Variants in LAMB3 observed in about 807,000 individuals in gnomAD.
LAMB3 encodes laminin subunit beta 3, also known as laminin subunit beta-3.
Under a neutral mutation model 140.3 loss-of-function variants are expected in LAMB3, and 104 were observed. The ratio of observed to expected loss-of-function variants is 0.74; its 90% CI spans 0.63 to 0.87. The LOEUF is 0.87. Among genes scored for constraint, LAMB3 ranks in the 40% least tolerant of loss-of-function variants. LAMB3 has a pLI of 0.00. For synonymous variants in LAMB3, 592 were observed against 602.9 expected (o/e 0.98, Z 0.26); for missense variants, 1,531 against 1,575.2 (o/e 0.97, Z 0.47).
At chr1:209,630,534 T>C (rs1343524435) in intron 9 of LAMB3, 81 bp downstream of exon 9, 2 of 1,482,660 alleles carry the variant, frequency 1.3e-6, no homozygotes, top group South Asian at 2.3e-5. Context: ...TCCCCCTGCA[T>C]CCCAGGTGAG....
chr1:209,649,352 A>C (rs1425043276), intron 3 of LAMB3, among the ~76,000 whole-genome samples: 1 of 152,234 alleles, frequency 6.6e-6, no homozygotes, highest in East Asian at 1.9e-4. Context: ...GAGGGCAAAC[A>C]AAAAGAAAAC....
chr1:209,639,181 G>A (rs1386213520), intron 3 of LAMB3, among the ~76,000 whole-genome samples: 2 of 152,222 alleles, frequency 1.3e-5, no homozygotes, highest in Middle Eastern at 3.4e-3. Context: ...TACTTCCTAG[G>A]CTTAACTTTC....
At chr1:209,639,624 TACACAC>T (rs55827014) in intron 3 of LAMB3, among the ~76,000 whole-genome samples, 149,268 of 151,952 alleles carry the variant, frequency 0.98, 73,323 homozygotes, top group East Asian at 1. Context: ...CATATACACA[TACACAC>T]ACACACACAC....
intron 12 of LAMB3, among the ~76,000 whole-genome samples, 160 bp downstream of exon 12, chr1:209,627,223 G>A (rs1272146450): frequency 6.6e-6 from 1 of 152,206 alleles, no homozygotes; most frequent in African/African-American, 2.4e-5. Flanking sequence ...GCCACAGAGG[G>A]AGGGACATCT....
chr1:209,646,646 C>T (rs1312029502), intron 3 of LAMB3, among the ~76,000 whole-genome samples: 2 of 152,188 alleles, frequency 1.3e-5, no homozygotes, highest in Non-Finnish European at 2.9e-5. Context: ...GGTACGCGAA[C>T]GCATGTCCTG....
intron 7 of LAMB3, 92 bp from the exon 8 acceptor site, chr1:209,632,868 T>C: frequency 7.8e-7 from 1 of 1,289,770 alleles, no homozygotes; most frequent in South Asian, 1.2e-5. Context: ...TCATATGTGA[T>C]ACCGTGGGCC....
chr1:209,636,044 C>T (rs890254469), intron 5 of LAMB3, among the ~76,000 whole-genome samples: 1 of 152,228 alleles, frequency 6.6e-6, no homozygotes, highest in Non-Finnish European at 1.5e-5. Flanking sequence ...TCTTTTGATA[C>T]CTGACTGAAC....
At chr1:209,615,943 C>A (rs762358082) in intron 22 of LAMB3, among the ~76,000 whole-genome samples, 1 of 152,066 alleles carries the variant, frequency 6.6e-6, no homozygotes, top group South Asian at 2.1e-4. Flanking sequence ...CCTCAGCAAC[C>A]CTCTTCTCCT....
chr1:209,618,762 C>T (rs1666084966), intron 18 of LAMB3, 103 bp from the exon 19 acceptor site: 2 of 1,117,172 alleles, frequency 1.8e-6, no homozygotes, highest in East Asian at 2.6e-5. Context: ...CCACAGTGGC[C>T]CCTCTACCGT....
rs1665922001 is a variant in LAMB3, at chr1:209,615,422, A to C, written c.3383-15T>G. ...CAACTCCATGTCTGAGGCAAATGGA[A>C]CAGCAGCAGGAGGAGGAGTTGATGG... On this transcript the variant is annotated splice_polypyrimidine_tract_variant and intron_variant, in intron 22 of 22. Coordinates refer to ENST00000356082, the MANE Select transcript of LAMB3 (RefSeq NM_000228.3). The C allele has an allele frequency of 6.3e-7, 1 of 1,584,010 alleles. No individual in the cohort carries two copies. Among genetic ancestry groups the C allele is most frequent in the African/African-American group, 1.3e-5 (1 of 74,456 alleles).
chr1:209,649,932 G>A (rs367678302), intron 3 of LAMB3, 32 bp downstream of exon 3: 29 of 1,612,940 alleles, frequency 1.8e-5, no homozygotes, highest in African/African-American at 8.0e-5. Flanking sequence ...CTCCCATCCC[G>A]CCTTCCTCCA....
chr1:209,633,149 A>T lies in LAMB3; in HGVS notation c.565-16T>A, dbSNP rs1666759121. 2 of 1,594,530 alleles carry T rather than the reference A, an allele frequency of 1.3e-6. No individual in the cohort carries two copies. The highest frequency in any genetic ancestry group is 1.7e-6 in the Non-Finnish European group (2 of 1,162,180). ...TAAGTTGGACCTACAGAGGGAAGGG[A>T]AAGAGAAGCGCTGAAGAAGAGACAA... On this transcript the variant is annotated splice_polypyrimidine_tract_variant and intron_variant, in intron 6 of 22. Coordinates refer to ENST00000356082, the MANE Select transcript of LAMB3 (RefSeq NM_000228.3).
At chr1:209,627,775 C>T (rs1360145808) in intron 11 of LAMB3, among the ~76,000 whole-genome samples, 196 bp from the exon 12 acceptor site, 1 of 152,238 alleles carries the variant, frequency 6.6e-6, no homozygotes, top group Non-Finnish European at 1.5e-5. Flanking sequence ...CGCCTGCCTG[C>T]CCACCCTCCA....
Position 209,618,673 on chromosome 1 carries a change from C to A in LAMB3, c.2702-14G>T. ...CAGTGTCGGGGTCTGGAAGACAACA[C>A]GCATTTGACTGTAGGAGCCCACTAA... On this transcript the variant is annotated splice_polypyrimidine_tract_variant and intron_variant, in intron 18 of 22. Transcript: ENST00000356082. 2.9e-6 allele frequency: 4 copies of A among 1,402,132 alleles called. No individual in the cohort carries two copies. The highest frequency in any genetic ancestry group is 3.0e-6 in the Non-Finnish European group (3 of 1,007,062). The allele number at this position is 1,402,132 out of a possible 1,614,324, so 86.9% of individuals were successfully genotyped here. A position where few individuals can be genotyped will look rare whatever the true frequency, so the allele number is the denominator to read the frequency against.
intron 20 of LAMB3, 43 bp downstream of exon 20, chr1:209,617,864 T>C: frequency 6.2e-7 from 1 of 1,613,842 alleles, no homozygotes; most frequent in Non-Finnish European, 8.5e-7. Flanking sequence ...CAAATTTTCC[T>C]GTTTATGCCC....
chr1:209,640,274 G>T (rs1462031729), intron 3 of LAMB3, among the ~76,000 whole-genome samples: 1 of 152,260 alleles, frequency 6.6e-6, no homozygotes, highest in Non-Finnish European at 1.5e-5. Context: ...CATTGGTGGG[G>T]TGTGGTGGCT....
intron 3 of LAMB3, among the ~76,000 whole-genome samples, chr1:209,643,050 C>T (rs1229717095): frequency 6.6e-6 from 1 of 152,230 alleles, no homozygotes; most frequent in Non-Finnish European, 1.5e-5. Flanking sequence ...CCTCAATCCT[C>T]AGAGACAGGC....
intron 18 of LAMB3, among the ~76,000 whole-genome samples, chr1:209,621,806 T>A (rs932432469): frequency 2.0e-5 from 3 of 152,146 alleles, no homozygotes; most frequent in Admixed American, 6.5e-5. Context: ...TCTGGTTCAT[T>A]TATTCATGCC....
chr1:209,619,055 T>C (rs1185208019), intron 18 of LAMB3, among the ~76,000 whole-genome samples: 1 of 152,184 alleles, frequency 6.6e-6, no homozygotes, highest in Non-Finnish European at 1.5e-5. Context: ...AGCTGCTTCC[T>C]TGGCAAAAAG....
Sources: gnomAD v4.1 joint callset for allele counts (sites outside exome capture counted in the v4.1 genomes callset) on GRCh38, gnomAD v4.1.1 for gene constraint, MANE v1.5 for transcripts, NCBI Gene and HGNC (gene_info 2026-07-23, HGNC 2026-07-21) for gene names.